Variants in DNAH12 observed in about 807,000 individuals in gnomAD.
DNAH12 encodes dynein axonemal heavy chain 12.
In DNAH12, 285 loss-of-function variants were observed where a neutral mutation model predicts 371.5. The ratio of observed to expected loss-of-function variants is 0.77; its 90% CI spans 0.70 to 0.85. DNAH12 has a LOEUF of 0.85. Ranked by LOEUF, DNAH12 falls within the 40% of genes least tolerant of loss-of-function variation. DNAH12 has a pLI of 0.00. For synonymous variants in DNAH12, 1,200 were observed against 1,213.0 expected, an observed-to-expected ratio of 0.99 and a Z score of 0.22; for missense variants, 3,611 against 3,689.4, an observed-to-expected ratio of 0.98 and a Z score of 0.55.
intron 2 of DNAH12, chr3:57,536,477 T>A (rs1271338043): frequency 2.6e-5 from 4 of 152,220 alleles, no homozygotes; most frequent in African/African-American, 9.7e-5. Flanking sequence ...AAAACTGAAT[T>A]AGCCTTTTTG....
chr3:57,477,563 T>G (rs1371038460), intron 13 of DNAH12, among the ~76,000 whole-genome samples: 1 of 152,058 alleles, frequency 6.6e-6, no homozygotes, highest in Admixed American at 6.5e-5. Flanking sequence ...GTCTGACAAC[T>G]TTGAAGAGAA....
chr3:57,517,738 T>C (rs2068250336), intron 4 of DNAH12, among the ~76,000 whole-genome samples: 1 of 152,296 alleles, frequency 6.6e-6, no homozygotes. Context: ...AGTGATGTAC[T>C]TTCAAAATTT....
In DNAH12 at chr3:57,510,869, C is replaced by G. The variant is rs908375064; in HGVS notation, c.390G>C (p.Gly130=). ...LRLIPESLKE[G]KEREELLESL... ...TTTCAAGAAGTTCTTCTCTTTCTTTCCCTTCCTTTAAAGACTCAGGTATCA... is the reference window on the plus strand; with the variant it reads ...TTTCAAGAAGTTCTTCTCTTTCTTTGCCTTCCTTTAAAGACTCAGGTATCA... Residue 130 remains glycine (G), a synonymous_variant, in exon 5 of 74, where the codon GGG becomes GGC. Transcript: ENST00000495027. The G allele has an allele frequency of 6.2e-7, 1 of 1,614,044 alleles. No individual in the cohort carries two copies. Among genetic ancestry groups the G allele is most frequent in the Non-Finnish European group, 8.5e-7 (1 of 1,180,022 alleles).
chr3:57,456,574 G>A (rs2065908093), intron 22 of DNAH12, among the ~76,000 whole-genome samples: 1 of 152,072 alleles, frequency 6.6e-6, no homozygotes. Context: ...TCTCATTTGA[G>A]TTTTTAAGTA....
chr3:57,392,386 T>C (rs1282241766), intron 44 of DNAH12, among the ~76,000 whole-genome samples: 1 of 152,174 alleles, frequency 6.6e-6, no homozygotes, highest in African/African-American at 2.4e-5. Flanking sequence ...TATCAATCAG[T>C]AAGGAACTAG....
chr3:57,359,066 G>A (rs1300693625), intron 58 of DNAH12, among the ~76,000 whole-genome samples: 1 of 152,140 alleles, frequency 6.6e-6, no homozygotes, highest in African/African-American at 2.4e-5. Context: ...TTACAGGCAT[G>A]AGCCACTGCA....
intron 62 of DNAH12, among the ~76,000 whole-genome samples, chr3:57,333,753 C>A (rs1168641405): frequency 2.0e-5 from 3 of 152,172 alleles, no homozygotes; most frequent in African/African-American, 7.2e-5. Flanking sequence ...CAGAACTCAA[C>A]AATCTTTATA....
At chr3:57,368,874 T>C (rs1388371015) in intron 55 of DNAH12, among the ~76,000 whole-genome samples, 2 of 152,144 alleles carry the variant, frequency 1.3e-5, no homozygotes, top group African/African-American at 4.8e-5. Flanking sequence ...CCTAGGTTTC[T>C]CTTGTATTCA....
intron 69 of DNAH12, among the ~76,000 whole-genome samples, chr3:57,303,365 C>T (rs2061402804): frequency 6.7e-6 from 1 of 150,330 alleles, no homozygotes; most frequent in Admixed American, 6.6e-5. Flanking sequence ...AAAAAGATAC[C>T]CTCTCTTCTG....
intron 5 of DNAH12, among the ~76,000 whole-genome samples, chr3:57,509,936 T>G (rs2067924877): frequency 6.7e-6 from 1 of 149,958 alleles, no homozygotes; most frequent in Non-Finnish European, 1.5e-5. Context: ...CAATTTATTG[T>G]ACCCTTGAAA....
At chr3:57,441,153 A>AT in intron 29 of DNAH12, among the ~76,000 whole-genome samples, 1 of 152,350 alleles carries the variant, frequency 6.6e-6, no homozygotes, top group African/African-American at 2.4e-5. Flanking sequence ...AAAAGAATAG[A>AT]TTATAAGATA....
At chr3:57,402,857 TGATA>T (rs2063912966) in intron 43 of DNAH12, among the ~76,000 whole-genome samples, 1 of 152,380 alleles carries the variant, frequency 6.6e-6, no homozygotes, top group Non-Finnish European at 1.5e-5. Context: ...ATGTTCTACG[TGATA>T]GATATCCTAA....
At chr3:57,460,172 A>G (rs2066015739) in intron 19 of DNAH12, among the ~76,000 whole-genome samples, 1 of 152,074 alleles carries the variant, frequency 6.6e-6, no homozygotes, top group Non-Finnish European at 1.5e-5. Flanking sequence ...GTCACAACTG[A>G]TGGGGGAAGA....
At chr3:57,362,356 A>C (rs1435381287) in intron 58 of DNAH12, among the ~76,000 whole-genome samples, 3 of 152,158 alleles carry the variant, frequency 2.0e-5, no homozygotes, top group African/African-American at 7.2e-5. Context: ...TAGTAGCGTG[A>C]TTTATAATCC....
upstream of DNAH12, among the ~76,000 whole-genome samples, chr3:57,545,324 CTT>C (rs745384362): frequency 8.9e-5 from 12 of 134,162 alleles, no homozygotes; most frequent in Non-Finnish European, 8.1e-5. Flanking sequence ...TTTTTCTTTT[CTT>C]TTTTTTTTTT....
intron 60 of DNAH12, among the ~76,000 whole-genome samples, chr3:57,339,502 G>A (rs1332551206): frequency 6.6e-6 from 1 of 151,936 alleles, no homozygotes; most frequent in East Asian, 1.9e-4. Context: ...TAGATAGGAG[G>A]AATAAGTTCT....
chr3:57,383,869 C>T (rs1189551566), intron 49 of DNAH12, among the ~76,000 whole-genome samples: 1 of 151,972 alleles, frequency 6.6e-6, no homozygotes, highest in Admixed American at 6.6e-5. Flanking sequence ...TAGGAAATTT[C>T]TATAAATGCC....
Position 57,334,912 on chromosome 3 carries a change from G to A in DNAH12, c.9703C>T (p.Leu3235=). The change falls in exon 61 of 74, where the codon CTG becomes TTG. Residue 3235 remains leucine, a synonymous_variant. Transcript: ENST00000495027. ...LARKEIEYQE[L]MFLLTGGVSL... The stretch of plus-strand genomic sequence containing the variant: ...ACTCCTCCAGTTAAAAGAAACATCA[G>A]TTCCTGGTATTCAATCTCTTTCCTT... 6.4e-7 allele frequency: 1 copy of A among 1,550,504 alleles called. No homozygotes were observed. Among genetic ancestry groups the A allele is most frequent in the South Asian group, 1.2e-5 (1 of 83,646 alleles).
At chr3:57,531,767 CAAAAAAAAAAAA>C (rs35142998) in intron 2 of DNAH12, among the ~76,000 whole-genome samples, 1 of 50,274 alleles carries the variant, frequency 2.0e-5, no homozygotes, top group Non-Finnish European at 3.7e-5. Flanking sequence ...CACTCCATCT[CAAAAAAAAAAAA>C]AAAAAAAAAA....
Sources: gnomAD v4.1 joint callset for allele counts (sites outside exome capture counted in the v4.1 genomes callset) on GRCh38, gnomAD v4.1.1 for gene constraint, MANE v1.5 for transcripts, NCBI Gene and HGNC (gene_info 2026-07-23, HGNC 2026-07-21) for gene names.